The following LRCH3 variants were observed in gnomAD, a reference collection of about 807,000 sequenced individuals.
The protein encoded by LRCH3 is DISP complex protein LRCH3.
LRCH3 carries 68 observed loss-of-function variants against 104.5 expected under a neutral mutation model. That is an observed-to-expected ratio of 0.65 (90% CI 0.54 to 0.80). The LOEUF is 0.80. Among genes scored for constraint, LRCH3 ranks in the 30% least tolerant of loss-of-function variants. The pLI is 0.00. For missense variants in LRCH3, 951 were observed against 953.9 expected, an observed-to-expected ratio of 1.00 and a Z score of 0.04; for synonymous variants, 344 against 361.3, an observed-to-expected ratio of 0.95 and a Z score of 0.54.
At chr3:197,872,270 T>A (rs1712289511) in intron 19 of LRCH3, among the ~76,000 whole-genome samples, 1 of 148,566 alleles carries the variant, frequency 6.7e-6, no homozygotes, top group South Asian at 2.1e-4. Context: ...TGTGGGAGGA[T>A]CACTTGAGCC....
chr3:197,873,064 C>T (rs1169996155), intron 19 of LRCH3, among the ~76,000 whole-genome samples: 4 of 152,142 alleles, frequency 2.6e-5, no homozygotes, highest in African/African-American at 9.7e-5. Flanking sequence ...CTGGCAGGTT[C>T]TCTTTGCACT....
Position 197,857,222 on chromosome 3 carries a change from C to T in LRCH3, c.1645-1612C>T, listed in dbSNP as rs111538420. Among the ~76,000 whole-genome samples, 111 of 134,946 alleles carry T rather than the reference C, an allele frequency of 8.2e-4. 1 individual carries two copies. The highest frequency in any genetic ancestry group is 3.7e-3 in the African/African-American group (101 of 26,962). 88.5% of individuals were successfully genotyped at this position (134,946 alleles called of 152,430 possible). A position where few individuals can be genotyped will look rare whatever the true frequency, so the allele number is the denominator to read the frequency against. On this transcript the variant is annotated intron_variant, in intron 14 of 20. Coordinates refer to ENST00000425562, the MANE Select transcript of LRCH3 (RefSeq NM_001365715.1). ...ACACTGACATTGTCTTCGGGCTACC[C>T]CTCAAGCCCCTGTTAATATCAGTTA...
chr3:197,855,829 G>A (rs899167655), intron 14 of LRCH3, among the ~76,000 whole-genome samples: 3 of 152,104 alleles, frequency 2.0e-5, no homozygotes, highest in Admixed American at 6.5e-5. Context: ...CAAATTAGAC[G>A]GCCTTTAAAA....
intron 3 of LRCH3, among the ~76,000 whole-genome samples, chr3:197,819,313 T>G (rs1734214329): frequency 7.3e-6 from 1 of 137,222 alleles, no homozygotes; most frequent in Non-Finnish European, 1.6e-5. Context: ...TGGCTCAGAC[T>G]CGATTTTTCT....
In LRCH3 at chr3:197,887,012, A is replaced by C. The variant is rs1477096063; in HGVS notation, c.*3346A>C. ...TCAAACTAAATCAGATTTGTATTTG[A>C]ATTGTTAGGAAAAACCATGTGCAGT... On this transcript the variant is annotated 3_prime_UTR_variant, in exon 21 of 21. Coordinates refer to ENST00000425562, the MANE Select transcript of LRCH3 (RefSeq NM_001365715.1). The C allele has an allele frequency of 1.3e-5, 2 of 152,170 alleles. No individual in the cohort carries two copies. Among genetic ancestry groups the C allele is most frequent in the Non-Finnish European group, 2.9e-5 (2 of 68,038 alleles). The allele number at this position is 152,170 out of a possible 1,614,324, so 9.4% of individuals were successfully genotyped here.
intron 20 of LRCH3, chr3:197,880,621 GTCTC>G (rs1405315549): frequency 2.6e-6 from 4 of 1,536,746 alleles, no homozygotes; most frequent in Non-Finnish European, 3.5e-6. Context: ...AGTTTTGTCT[GTCTC>G]TCTCTGCAGC....
intron 4 of LRCH3, among the ~76,000 whole-genome samples, chr3:197,825,262 C>T (rs183128526): frequency 2.0e-5 from 3 of 151,822 alleles, no homozygotes; most frequent in Non-Finnish European, 4.4e-5. Context: ...GTTAATGTGC[C>T]ATAGCATGAG....
In LRCH3 at chr3:197,791,257, C is replaced by T. The variant is rs1217312342; in HGVS notation, c.-22C>T. On this transcript the variant is annotated 5_prime_UTR_variant, in exon 1 of 21. Coordinates refer to ENST00000425562, the MANE Select transcript of LRCH3 (RefSeq NM_001365715.1). ...GCCGCGCATGCGCTGAGCTGGCGGG[C>T]CCGAGTGTTGTCGGCTGGGAAATGG... 1.2e-6 allele frequency: 2 copies of T among 1,605,756 alleles called. No individual in the cohort carries two copies. The highest frequency in any genetic ancestry group is 1.3e-5 in the African/African-American group (1 of 74,452).
At chr3:197,796,285 G>C (rs1314721660) in intron 1 of LRCH3, among the ~76,000 whole-genome samples, 2 of 152,148 alleles carry the variant, frequency 1.3e-5, no homozygotes, top group Non-Finnish European at 1.5e-5. Flanking sequence ...AGGATTGTTT[G>C]AATTGTGCAA....
At chr3:197,834,924 G>T (rs576073290) in intron 8 of LRCH3, among the ~76,000 whole-genome samples, 2 of 152,040 alleles carry the variant, frequency 1.3e-5, no homozygotes, top group Admixed American at 6.6e-5. Flanking sequence ...TGGGCGGATC[G>T]CTTGAGCCCA....
rs1276590939 is a variant in LRCH3 at position 197,886,360 on chromosome 3, C to T, written c.*2694C>T. On this transcript the variant is annotated 3_prime_UTR_variant, in exon 21 of 21. Transcript: ENST00000425562. ...ACCCCATCTCTAAAAATAAATTGTACAACATCTAACTTCAATGCCCAATCT... is the reference window on the plus strand; with the variant it reads ...ACCCCATCTCTAAAAATAAATTGTATAACATCTAACTTCAATGCCCAATCT... The T allele has an allele frequency of 2.0e-5, 3 of 151,194 alleles. No individual in the cohort carries two copies. The highest frequency in any genetic ancestry group is 4.4e-5 in the Non-Finnish European group (3 of 67,782). The allele number at this position is 151,194 out of a possible 1,614,324, so 9.4% of individuals were successfully genotyped here. A position where few individuals can be genotyped will look rare whatever the true frequency, so the allele number is the denominator to read the frequency against.
At chr3:197,871,282 GTCTT>G (rs768063777) in intron 18 of LRCH3, 39 bp from the exon 19 acceptor site, 2 of 1,476,458 alleles carry the variant, frequency 1.4e-6, no homozygotes, top group Non-Finnish European at 1.9e-6. Flanking sequence ...CTATATGTCA[GTCTT>G]TCTTCAATTA....
intron 1 of LRCH3, among the ~76,000 whole-genome samples, chr3:197,807,030 C>A (rs1460664378): frequency 1.5e-5 from 1 of 67,892 alleles, no homozygotes; most frequent in Non-Finnish European, 2.9e-5. Context: ...CAGGGCGAGA[C>A]CCTGTGTCAA....
intron 1 of LRCH3, among the ~76,000 whole-genome samples, chr3:197,811,585 A>G (rs758144094): frequency 6.6e-5 from 10 of 152,174 alleles, no homozygotes. Flanking sequence ...AAGACTTTTG[A>G]CTGCTAGCAT....
chr3:197,864,622 A>C (rs1317388249), intron 15 of LRCH3, among the ~76,000 whole-genome samples: 1 of 148,788 alleles, frequency 6.7e-6, no homozygotes, highest in Non-Finnish European at 1.5e-5. Context: ...AAAAAAAAAA[A>C]ACAAAAAACA....
chr3:197,875,737 A>C lies in LRCH3; in HGVS notation c.2170A>C (p.Asn724His). The C allele has an allele frequency of 6.5e-7, 1 of 1,535,026 alleles. No individual in the cohort carries two copies. Among genetic ancestry groups the C allele is most frequent in the South Asian group, 1.2e-5 (1 of 83,980 alleles). Residue 724 changes from asparagine (N) to histidine (H), a missense_variant, in exon 20 of 21, where the codon AAT becomes CAT. Physicochemically the swap from Asn to His is moderately conservative, Grantham distance 68. Coordinates refer to ENST00000425562, the MANE Select transcript of LRCH3 (RefSeq NM_001365715.1). ...TMAKCRRNVE[N>H]FLEACRKIGV... ...GGCGAAATGCAGGCGAAATGTGGAA[A>C]ATTTCCTAGAAGCTTGCAGAAAAAT...
intron 20 of LRCH3, chr3:197,882,821 G>A: frequency 5.1e-6 from 5 of 985,396 alleles, no homozygotes; most frequent in African/African-American, 3.5e-5. Context: ...TCCTGCCTAA[G>A]CTTACATAGT....
In LRCH3 at chr3:197,883,671, C is replaced by T; in HGVS notation, c.*5C>T. 1 of 1,535,516 alleles carries T rather than the reference C, an allele frequency of 6.5e-7. No homozygotes were observed. Among genetic ancestry groups the T allele is most frequent in the Non-Finnish European group, 8.7e-7 (1 of 1,146,640 alleles). ...CACCAGTTATCTGCTGTTTGAGGATCCCCAGGACGGTGGGCACTGGCCTGG... is the reference window on the plus strand; with the variant it reads ...CACCAGTTATCTGCTGTTTGAGGATTCCCAGGACGGTGGGCACTGGCCTGG... On this transcript the variant is annotated 3_prime_UTR_variant, in exon 21 of 21. Coordinates refer to ENST00000425562, the MANE Select transcript of LRCH3 (RefSeq NM_001365715.1). The surrounding 1 kb of genome is among the most constrained non-coding windows in gnomAD (Gnocchi z 4.2).
chr3:197,844,623 G>GT lies in LRCH3; in HGVS notation c.1329-2775dup, dbSNP rs200180328. Among the ~76,000 whole-genome samples, 280 of 146,068 alleles carry GT rather than the reference G, an allele frequency of 1.9e-3. 3 individuals carry two copies. The highest frequency in any genetic ancestry group is 6.2e-3 in the African/African-American group (247 of 39,666). ...ATCACTTACTGCTCATAGGTTTTTT[G>GT]TTTTTTTTTTTCCCAGATGGAGCCT... On this transcript the variant is annotated intron_variant, in intron 10 of 20. Coordinates refer to ENST00000425562, the MANE Select transcript of LRCH3 (RefSeq NM_001365715.1).
Sources: allele counts gnomAD v4.1 joint callset (sites outside exome capture counted in the v4.1 genomes callset), GRCh38; gene constraint gnomAD v4.1.1; non-coding constraint Gnocchi (gnomAD v3.1); transcripts MANE v1.5; gene names NCBI Gene and HGNC (gene_info 2026-07-23, HGNC 2026-07-21).